The following EXOC1 variants were observed in gnomAD, a reference collection of about 807,000 sequenced individuals.
EXOC1 encodes the protein exocyst complex component 1.
In EXOC1, 67 loss-of-function variants were observed where a neutral mutation model predicts 107.7. The observed-to-expected ratio is 0.62, with a 90% CI of 0.51 to 0.76. The LOEUF (loss-of-function observed/expected upper bound fraction) is 0.76, where lower values mean the gene tolerates loss of function less well. Ranked by LOEUF, EXOC1 falls within the 30% of genes least tolerant of loss-of-function variation. The pLI is 0.00. For synonymous variants in EXOC1, 348 were observed against 353.5 expected (o/e 0.98, Z 0.17); for missense variants, 833 against 1,055.7 (o/e 0.79, Z 2.92).
chr4:55,865,452 G>A (rs946285322), intron 4 of EXOC1, among the ~76,000 whole-genome samples: 1 of 152,172 alleles, frequency 6.6e-6, no homozygotes, highest in African/African-American at 2.4e-5. Context: ...CCCCAGGGTT[G>A]CCATCTCACC....
At chr4:55,882,723 A>G (rs1420190994) in intron 9 of EXOC1, 2 of 152,214 alleles carry the variant, frequency 1.3e-5, no homozygotes, top group African/African-American at 2.4e-5. Flanking sequence ...CTGTGAATCA[A>G]TATACAAATA....
At chr4:55,863,352 C>T (rs1003647071) in intron 3 of EXOC1, among the ~76,000 whole-genome samples, 4 of 151,958 alleles carry the variant, frequency 2.6e-5, no homozygotes, top group Admixed American at 6.6e-5. Context: ...CATGAAAGAA[C>T]GTTAGGCCAG....
rs765321259 is a variant in EXOC1 at position 55,878,070 on chromosome 4, T to A, written c.1224+4T>A. Reference sequence around the variant, plus strand: ...AAAATATGAAGGACTAACAAAGGTATGGATTTGACGTCATTTACTCACTGA... The same window carrying A: ...AAAATATGAAGGACTAACAAAGGTAAGGATTTGACGTCATTTACTCACTGA... On this transcript the variant is annotated splice_donor_region_variant and intron_variant, in intron 9 of 18. Coordinates refer to ENST00000381295, the MANE Select transcript of EXOC1 (RefSeq NM_001024924.2). 10 of 1,612,014 alleles carry A rather than the reference T, an allele frequency of 6.2e-6. 1 individual carries two copies. Among genetic ancestry groups the A allele is most frequent in the Non-Finnish European group, 7.6e-6 (9 of 1,179,068 alleles).
At chr4:55,876,180 G>A in intron 8 of EXOC1, 10 of 985,252 alleles carry the variant, frequency 1.0e-5, no homozygotes, top group Non-Finnish European at 1.2e-5. Flanking sequence ...GAAAAGATAT[G>A]GTAGCCCAGG....
At chr4:55,902,674 G>A in intron 18 of EXOC1, 136 bp downstream of exon 18, 2 of 570,968 alleles carry the variant, frequency 3.5e-6, no homozygotes, top group South Asian at 7.2e-5. Context: ...TTAATGAATT[G>A]TGAGGAAGAA....
rs1429442263 is a variant in EXOC1 at position 55,871,094 on chromosome 4, A to G, written c.832-7A>G. 3 of 1,613,002 alleles carry G rather than the reference A, an allele frequency of 1.9e-6. No homozygotes were observed. Among genetic ancestry groups the G allele is most frequent in the South Asian group, 2.2e-5 (2 of 90,942 alleles). ...ACATGCAAATGGTGTGTTTGCATATATTCTAGAACCACATGGACTTGGCCA... is the reference window on the plus strand; with the variant it reads ...ACATGCAAATGGTGTGTTTGCATATGTTCTAGAACCACATGGACTTGGCCA... On this transcript the variant is annotated splice_polypyrimidine_tract_variant and splice_region_variant and intron_variant, in intron 6 of 18. Transcript: ENST00000381295.
intron 17 of EXOC1, chr4:55,902,112 T>G (rs1160007434): frequency 3.3e-6 from 1 of 304,024 alleles, no homozygotes; most frequent in African/African-American, 2.2e-5. Context: ...AAGTGGGACA[T>G]GAAATTTTAA....
intron 3 of EXOC1, 138 bp from the exon 4 acceptor site, chr4:55,864,089 C>T (rs1721731873): frequency 1.7e-6 from 1 of 598,510 alleles, no homozygotes; most frequent in East Asian, 3.0e-5. Flanking sequence ...ATTCTCCAAA[C>T]TCTTCCTTTC....
At chr4:55,896,551 C>T (rs1225093706) in intron 15 of EXOC1, among the ~76,000 whole-genome samples, 166 bp from the exon 16 acceptor site, 1 of 152,160 alleles carries the variant, frequency 6.6e-6, no homozygotes, top group Admixed American at 6.5e-5. Flanking sequence ...TGTTTTGATT[C>T]ATCTTCAATT....
intron 4 of EXOC1, among the ~76,000 whole-genome samples, chr4:55,864,649 A>T (rs1721788523): frequency 6.6e-6 from 1 of 152,196 alleles, no homozygotes; most frequent in Non-Finnish European, 1.5e-5. Flanking sequence ...CTATGCATAA[A>T]CACCTTTTTA....
At chr4:55,902,318 C>G in intron 17 of EXOC1, 26 bp from the exon 18 acceptor site, 1 of 1,399,906 alleles carries the variant, frequency 7.1e-7, no homozygotes, top group Non-Finnish European at 9.3e-7. Context: ...AGGTCTTAGC[C>G]ATTGTTTCTT....
chr4:55,876,286 G>A, intron 8 of EXOC1: 1 of 985,358 alleles, frequency 1.0e-6, no homozygotes, highest in Non-Finnish European at 1.2e-6. Flanking sequence ...TATTCAGGTA[G>A]CCACCCAGAA....
chr4:55,898,484 TTG>T (rs199638627), intron 16 of EXOC1, among the ~76,000 whole-genome samples: 31,832 of 152,080 alleles, frequency 0.21, 3,632 homozygotes, highest in Non-Finnish European at 0.25. Context: ...AGCATTGTTA[TTG>T]AAGTGCTAGC....
intron 14 of EXOC1, 148 bp downstream of exon 14, chr4:55,892,859 T>G: frequency 6.0e-6 from 4 of 670,724 alleles, no homozygotes; most frequent in Non-Finnish European, 7.5e-6. Flanking sequence ...TCAAACGTTT[T>G]ACTGATTTAA....
Position 55,899,671 on chromosome 4 carries a change from T to G in EXOC1, c.2138-14T>G. 6.3e-7 allele frequency: 1 copy of G among 1,597,206 alleles called. No individual in the cohort carries two copies. Among genetic ancestry groups the G allele is most frequent in the Non-Finnish European group, 8.5e-7 (1 of 1,173,718 alleles). On this transcript the variant is annotated splice_polypyrimidine_tract_variant and intron_variant, in intron 16 of 18. Transcript: ENST00000381295. ...CTCAGAGATGTTATTTTATTTTTTC[T>G]GTTTTGGTTTTAGTGGAGAAAGTAG...
rs768376405 is a variant in EXOC1 at position 55,892,617 on chromosome 4, C to A, written c.1648-18C>A. On this transcript the variant is annotated intron_variant, in intron 13 of 18. Coordinates refer to ENST00000381295, the MANE Select transcript of EXOC1 (RefSeq NM_001024924.2). Reference sequence around the variant, plus strand: ...TGTTGGTCTTTTATTATGTAAAGTGCCTGAATAATTTTTGCAGGCTGAAGC... The same window carrying A: ...TGTTGGTCTTTTATTATGTAAAGTGACTGAATAATTTTTGCAGGCTGAAGC... The A allele has an allele frequency of 6.2e-7, 1 of 1,612,114 alleles. No homozygotes were observed. Among genetic ancestry groups the A allele is most frequent in the Admixed American group, 1.7e-5 (1 of 59,978 alleles).
At position 55,899,741 on chromosome 4, in the gene EXOC1, A is replaced by G. The variant is rs1470744689; in HGVS notation, c.2194A>G (p.Asn732Asp). ...KTPRDVVMME[N>D]FHHIFATLSR... ...CCCCAGGGATGTGGTTATGATGGAA[A>G]ACTTTCACCATATTTTTGCAACTCT... Residue 732 changes from asparagine (N) to aspartate (D), a missense_variant, in exon 17 of 19, where the codon AAC becomes GAC. Physicochemically the swap from Asn to Asp is conservative, Grantham distance 23 (BLOSUM62 1). Coordinates refer to ENST00000381295, the MANE Select transcript of EXOC1 (RefSeq NM_001024924.2). 1 of 1,613,726 alleles carries G rather than the reference A, an allele frequency of 6.2e-7. No homozygotes were observed. The highest frequency in any genetic ancestry group is 8.5e-7 in the Non-Finnish European group (1 of 1,179,842).
intron 1 of EXOC1, among the ~76,000 whole-genome samples, chr4:55,856,722 AAT>A (rs1252353076): frequency 3.9e-5 from 6 of 152,196 alleles, no homozygotes; most frequent in African/African-American, 1.4e-4. Context: ...TGAAAAATAA[AAT>A]AGAGATTTAA....
At chr4:55,881,526 C>T (rs1000349375) in intron 9 of EXOC1, among the ~76,000 whole-genome samples, 4 of 152,062 alleles carry the variant, frequency 2.6e-5, no homozygotes, top group African/African-American at 9.7e-5. Flanking sequence ...GTGGTCCGAG[C>T]ACACCTTGGT....
Sources: allele counts gnomAD v4.1 joint callset (sites outside exome capture counted in the v4.1 genomes callset), GRCh38; gene constraint gnomAD v4.1.1; transcripts MANE v1.5; gene names NCBI Gene and HGNC (gene_info 2026-07-23, HGNC 2026-07-21).